RFX6: variants seen among roughly 807,000 people sequenced by gnomAD.
The protein encoded by RFX6 is DNA-binding protein RFX6.
Under a neutral mutation model 110.8 loss-of-function variants are expected in RFX6, and 50 were observed. The ratio of observed to expected loss-of-function variants is 0.45; its 90% confidence interval spans 0.36 to 0.57. RFX6 has a LOEUF of 0.57. Among genes scored for constraint, RFX6 ranks in the 20% least tolerant of loss-of-function variants. The pLI, the probability that RFX6 is intolerant of heterozygous loss-of-function variation, is 0.00. For synonymous variants in RFX6, 383 were observed against 411.2 expected (o/e 0.93, Z 0.83); for missense variants, 990 against 1,127.0 (o/e 0.88, Z 1.74).
At chr6:116,929,437 A>G (rs201570832) in intron 18 of RFX6, among the ~76,000 whole-genome samples, 1 of 152,100 alleles carries the variant, frequency 6.6e-6, no homozygotes, top group East Asian at 1.9e-4. Context: ...GATGGGTGCT[A>G]CTAGCATTTT....
Position 116,931,509 on chromosome 6 carries a change from C to G in RFX6, c.*3C>G. 1 of 1,608,760 alleles carries G rather than the reference C, an allele frequency of 6.2e-7. No individual in the cohort carries two copies. The highest frequency in any genetic ancestry group is 1.7e-5 in the Admixed American group (1 of 59,678). ...GAACAGCAGCTGGAGGCACTTAAAC[C>G]ACCAATGTGGGAGGGGGTGCTAAAA... is the stretch of plus-strand genomic sequence containing the variant. On this transcript the variant is annotated 3_prime_UTR_variant, in exon 19 of 19. Coordinates refer to ENST00000332958, the MANE Select transcript of RFX6 (RefSeq NM_173560.4).
chr6:116,878,051 C>G, intron 2 of RFX6, 99 bp downstream of exon 2: 1 of 1,290,158 alleles, frequency 7.8e-7, no homozygotes, highest in Non-Finnish European at 1.1e-6. Context: ...CTTCCTCAAA[C>G]TTTTTGGGAA....
chr6:116,924,587 A>T, intron 14 of RFX6, 82 bp from the exon 15 acceptor site: 9 of 1,187,650 alleles, frequency 7.6e-6, no homozygotes, highest in Non-Finnish European at 1.1e-5. Flanking sequence ...AAGATAACTG[A>T]CTTCTCTTTC....
intron 16 of RFX6, among the ~76,000 whole-genome samples, chr6:116,926,341 G>A (rs185399974): frequency 3.3e-4 from 50 of 152,236 alleles, no homozygotes; most frequent in East Asian, 1.9e-4. Context: ...TAGGATAATC[G>A]TTACAATAAT....
intron 4 of RFX6, among the ~76,000 whole-genome samples, 175 bp from the exon 5 acceptor site, chr6:116,893,812 C>T (rs549637052): frequency 6.6e-6 from 1 of 152,226 alleles, no homozygotes; most frequent in East Asian, 1.9e-4. Flanking sequence ...GGAGTAGTGA[C>T]TATCAAAGAG....
At chr6:116,890,653 C>A (rs6929458) in intron 4 of RFX6, among the ~76,000 whole-genome samples, 54,308 of 151,942 alleles carry the variant, frequency 0.36, 10,698 homozygotes, top group East Asian at 0.51. Flanking sequence ...AAGTACATGC[C>A]ATTTCTCTCT....
At chr6:116,911,446 G>A (rs578236897) in intron 7 of RFX6, among the ~76,000 whole-genome samples, 34 of 152,092 alleles carry the variant, frequency 2.2e-4, no homozygotes, top group Admixed American at 1.8e-3. Flanking sequence ...TAGCACTGAG[G>A]GACATGCTAG....
intron 4 of RFX6, among the ~76,000 whole-genome samples, chr6:116,887,629 T>C (rs1340547238): frequency 4.6e-5 from 7 of 152,230 alleles, no homozygotes; most frequent in Admixed American, 3.9e-4. Flanking sequence ...TTCTTGCATA[T>C]TTTATGGTTA....
rs1774570278 is a variant in RFX6, at chr6:116,880,649, T to C, written c.486T>C (p.Cys162=). 6.2e-7 allele frequency: 1 copy of C among 1,613,558 alleles called. No individual in the cohort carries two copies. The highest frequency in any genetic ancestry group is 1.1e-5 in the South Asian group (1 of 91,058). Residue 162 remains cysteine (C), a synonymous_variant, in exon 3 of 19, where the codon TGT becomes TGC. Coordinates refer to ENST00000332958, the MANE Select transcript of RFX6 (RefSeq NM_173560.4). ...FCRKEKLEPA[C]AATFGKTIRQ... is the part of the protein sequence containing the mutation. Reference sequence around the variant, plus strand: ...GGAAAGAGAAATTAGAGCCAGCCTGTGCGGCCACCTTTGGAAAGGTAAATG... The same window carrying C: ...GGAAAGAGAAATTAGAGCCAGCCTGCGCGGCCACCTTTGGAAAGGTAAATG...
In RFX6 at chr6:116,927,334, T is replaced by C. The variant is rs1439960826; in HGVS notation, c.2193T>C (p.Thr731=). The change falls in exon 17 of 19, where the codon ACT becomes ACC. Residue 731 remains threonine (T), a synonymous_variant. Transcript: ENST00000332958. ...HTEHGRCMAW[T]EQQLSRDFFS... ...AGCATGGTCGATGCATGGCTTGGAC[T>C]GAACAGCAGCTTTCAAGAGACTTCT... 3.7e-6 allele frequency: 6 copies of C among 1,614,074 alleles called. No homozygotes were observed. In the South Asian group the frequency reaches 5.5e-5, roughly 15 times the overall value.
At chr6:116,889,791 A>G (rs2114669037) in intron 4 of RFX6, among the ~76,000 whole-genome samples, 1 of 152,250 alleles carries the variant, frequency 6.6e-6, no homozygotes, top group Non-Finnish European at 1.5e-5. Context: ...GATATGTTTA[A>G]GTATATGATA....
Position 116,918,089 on chromosome 6 carries a change from A to T in RFX6, c.1022+3A>T. 6.3e-7 allele frequency: 1 copy of T among 1,599,108 alleles called. No individual in the cohort carries two copies. Among genetic ancestry groups the T allele is most frequent in the South Asian group, 1.1e-5 (1 of 90,772 alleles). ...ACAATGCAAGAAATGCCTGAAAGGT[A>T]TGTTCAGTTAATAAAACATGAGCAT... On this transcript the variant is annotated splice_donor_region_variant and intron_variant, in intron 10 of 18. Transcript: ENST00000332958.
chr6:116,894,547 G>T (rs1242446665), intron 5 of RFX6, among the ~76,000 whole-genome samples: 3 of 152,002 alleles, frequency 2.0e-5, no homozygotes, highest in Non-Finnish European at 1.5e-5. Flanking sequence ...TGACCTGTTT[G>T]GGTTTCTATG....
chr6:116,883,623 GA>G (rs746776557), intron 4 of RFX6, among the ~76,000 whole-genome samples: 51 of 152,010 alleles, frequency 3.4e-4, no homozygotes, highest in Non-Finnish European at 5.9e-4. Flanking sequence ...CTACGTTTTT[GA>G]AATCTAGTGT....
At chr6:116,917,970 CAAT>C in intron 9 of RFX6, 64 bp from the exon 10 acceptor site, 1 of 1,100,888 alleles carries the variant, frequency 9.1e-7, no homozygotes, top group South Asian at 1.3e-5. Context: ...AGTAGTTGAC[CAAT>C]AATATGTCTT....
intron 6 of RFX6, among the ~76,000 whole-genome samples, chr6:116,906,033 G>A (rs1054486973): frequency 1.9e-4 from 29 of 152,090 alleles, no homozygotes; most frequent in African/African-American, 6.7e-4. Flanking sequence ...TGTATATGAT[G>A]TATGAGGTAA....
In RFX6 at chr6:116,928,758, G is replaced by A. The variant is rs1425644744; in HGVS notation, c.2399-1G>A. ...CAAATTCTCAACATTTTCTGTTACA[G>A]GATACTATGGAAGCAACATAAACTA... On this transcript the variant is annotated splice_acceptor_variant, in intron 17 of 18. Transcript: ENST00000332958. LOFTEE classifies it high-confidence loss of function. 6.2e-7 allele frequency: 1 copy of A among 1,606,866 alleles called. No individual in the cohort carries two copies. Among genetic ancestry groups the A allele is most frequent in the Non-Finnish European group, 8.5e-7 (1 of 1,173,454 alleles).
intron 6 of RFX6, among the ~76,000 whole-genome samples, chr6:116,899,720 ATACT>A (rs1226147900): frequency 2.0e-5 from 3 of 152,180 alleles, no homozygotes; most frequent in East Asian, 1.9e-4. Flanking sequence ...TATAAAAATA[ATACT>A]TAGGAGGAAA....
At chr6:116,913,436 G>A (rs1425137057) in intron 7 of RFX6, among the ~76,000 whole-genome samples, 2 of 152,176 alleles carry the variant, frequency 1.3e-5, no homozygotes, top group Non-Finnish European at 2.9e-5. Context: ...GTACTGAGAA[G>A]CTGGGGGCCT....
Sources: allele counts gnomAD v4.1 joint callset (sites outside exome capture counted in the v4.1 genomes callset), GRCh38; gene constraint gnomAD v4.1.1; transcripts MANE v1.5; gene names NCBI Gene and HGNC (gene_info 2026-07-23, HGNC 2026-07-21).